Variants in SPOCK1 observed in about 807,000 individuals in gnomAD.
SPOCK1 encodes SPARC (osteonectin), cwcv and kazal like domains proteoglycan 1.
A neutral mutation model predicts 55.3 loss-of-function variants in SPOCK1; 23 were observed. That is an observed-to-expected ratio of 0.42 (90% CI 0.30 to 0.59). The LOEUF is 0.59. Among genes scored for constraint, SPOCK1 ranks in the 20% least tolerant of loss-of-function variants. The pLI is 0.22. For missense variants in SPOCK1, 499 were observed against 552.5 expected (o/e 0.90, Z 0.97); for synonymous variants, 226 against 221.0 (o/e 1.02, Z -0.20).
chr5:137,471,489 A>G (rs971402633), intron 2 of SPOCK1, among the ~76,000 whole-genome samples: 1 of 152,180 alleles, frequency 6.6e-6, no homozygotes, highest in African/African-American at 2.4e-5. Context: ...GCCCATAGTA[A>G]ATTCTCAGTC....
intron 2 of SPOCK1, among the ~76,000 whole-genome samples, chr5:137,461,650 T>C (rs1006353427): frequency 1.3e-5 from 2 of 152,232 alleles, no homozygotes; most frequent in African/African-American, 4.8e-5. Context: ...ATTTTTGTTC[T>C]GCCCGTCTCT....
At chr5:137,368,205 G>A (rs1751118614) in intron 2 of SPOCK1, among the ~76,000 whole-genome samples, 1 of 152,204 alleles carries the variant, frequency 6.6e-6, no homozygotes, top group Non-Finnish European at 1.5e-5. Flanking sequence ...AGCCAGAGCT[G>A]GGAGAGTTGT....
intron 2 of SPOCK1, among the ~76,000 whole-genome samples, chr5:137,363,865 T>C (rs549435916): frequency 6.6e-6 from 1 of 152,340 alleles, no homozygotes; most frequent in East Asian, 1.9e-4. Flanking sequence ...AGCCAGTCAC[T>C]GGGGACAGGC....
chr5:137,138,701 A>T (rs1195237082), intron 4 of SPOCK1, among the ~76,000 whole-genome samples: 1 of 139,194 alleles, frequency 7.2e-6, no homozygotes, highest in Non-Finnish European at 1.6e-5. Flanking sequence ...TCAAATAATA[A>T]CCCCCCCCCC....
intron 2 of SPOCK1, among the ~76,000 whole-genome samples, chr5:137,363,789 C>T (rs1459472738): frequency 2.0e-5 from 3 of 152,162 alleles, no homozygotes; most frequent in Non-Finnish European, 4.4e-5. Flanking sequence ...TTGCAAAGAA[C>T]CTCCCAATTA....
rs1387680145 is a variant in SPOCK1, at chr5:137,498,618, C to T, written c.1-60G>A. The T allele has an allele frequency of 2.4e-6, 3 of 1,235,696 alleles. No individual in the cohort carries two copies. The African/African-American group carries it at 4.7e-5, about 20-fold the overall frequency. The allele number at this position is 1,235,696 out of a possible 1,614,324, so 76.5% of individuals were successfully genotyped here. A position where few individuals can be genotyped will look rare whatever the true frequency, so the allele number is the denominator to read the frequency against. On this transcript the variant is annotated intron_variant, in intron 1 of 10. Coordinates refer to ENST00000394945, the MANE Select transcript of SPOCK1 (RefSeq NM_004598.4). ...AGGGCGGGCGGCCGCGAGCCCCGGGCACCCAGGCGTCCCAGCGCCCCAGCC... is the reference window on the plus strand; with the variant it reads ...AGGGCGGGCGGCCGCGAGCCCCGGGTACCCAGGCGTCCCAGCGCCCCAGCC...
At chr5:137,098,986 G>GC (rs34993385) in intron 5 of SPOCK1, among the ~76,000 whole-genome samples, 131,395 of 152,194 alleles carry the variant, frequency 0.86, 56,889 homozygotes, top group Non-Finnish European at 0.9. Flanking sequence ...ACAAATGAGA[G>GC]CAGGCTTTGT....
At chr5:137,295,626 A>G (rs113054672) in intron 2 of SPOCK1, among the ~76,000 whole-genome samples, 2,785 of 152,266 alleles carry the variant, frequency 0.018, 41 homozygotes, top group Non-Finnish European at 0.029. Context: ...CCCCCAGTAC[A>G]GGCCAACTAC....
At chr5:137,151,283 A>C (rs926822846) in intron 3 of SPOCK1, among the ~76,000 whole-genome samples, 1 of 152,156 alleles carries the variant, frequency 6.6e-6, no homozygotes, top group Admixed American at 6.6e-5. Context: ...TTGAGCCACC[A>C]AGCCTGGCTA....
intron 2 of SPOCK1, among the ~76,000 whole-genome samples, chr5:137,399,486 C>A (rs1423364133): frequency 4.6e-5 from 7 of 151,856 alleles, no homozygotes; most frequent in African/African-American, 1.5e-4. Context: ...AGTATATACT[C>A]ATGAAACTAT....
intron 6 of SPOCK1, among the ~76,000 whole-genome samples, chr5:137,014,106 A>G (rs1231436475): frequency 6.6e-6 from 1 of 152,098 alleles, no homozygotes; most frequent in Non-Finnish European, 1.5e-5. Context: ...TCTTCATGAT[A>G]TTGACTTCTT....
chr5:137,312,094 G>A (rs1757797866), intron 2 of SPOCK1, among the ~76,000 whole-genome samples: 2 of 152,182 alleles, frequency 1.3e-5, no homozygotes, highest in Non-Finnish European at 2.9e-5. Flanking sequence ...CCATTAATAT[G>A]CCAATTCTTT....
chr5:137,055,520 A>T lies in SPOCK1; in HGVS notation c.589+12195T>A, dbSNP rs541080102. 1.1e-4 allele frequency among the ~76,000 whole-genome samples: 16 copies of T among 152,310 alleles called. No homozygotes were observed. The East Asian group carries it at 3.1e-3, about 29-fold the overall frequency. On this transcript the variant is annotated intron_variant, in intron 6 of 10. Coordinates refer to ENST00000394945, the MANE Select transcript of SPOCK1 (RefSeq NM_004598.4). ...CAAGTTTCCTCTTGGGCACAATGGTAATCAGATATTAAGCCAACTATTTCA... is the reference window on the plus strand; with the variant it reads ...CAAGTTTCCTCTTGGGCACAATGGTTATCAGATATTAAGCCAACTATTTCA...
chr5:137,454,662 T>C (rs1753326297), intron 2 of SPOCK1, among the ~76,000 whole-genome samples: 5 of 152,306 alleles, frequency 3.3e-5, no homozygotes, highest in African/African-American at 2.4e-5. Flanking sequence ...GATTCCTCTA[T>C]GGAAGGATAA....
At chr5:137,232,817 G>A (rs1254033215) in intron 3 of SPOCK1, among the ~76,000 whole-genome samples, 7 of 152,166 alleles carry the variant, frequency 4.6e-5, no homozygotes, top group African/African-American at 1.4e-4. Flanking sequence ...ATCCATTAAC[G>A]AGATATGTCT....
At chr5:137,236,288 A>AT (rs147402687) in intron 3 of SPOCK1, among the ~76,000 whole-genome samples, 2,988 of 152,314 alleles carry the variant, frequency 0.02, 95 homozygotes, top group African/African-American at 0.068. Context: ...TACAATCAGC[A>AT]CCTTGCTGGC....
chr5:137,410,420 G>C (rs913358397), intron 2 of SPOCK1, among the ~76,000 whole-genome samples: 4 of 152,212 alleles, frequency 2.6e-5, no homozygotes, highest in Non-Finnish European at 4.4e-5. Context: ...CATGACAACA[G>C]AGCCTTTTTA....
chr5:137,253,587 T>C (rs1366475255), intron 3 of SPOCK1, among the ~76,000 whole-genome samples: 3 of 152,194 alleles, frequency 2.0e-5, no homozygotes, highest in Non-Finnish European at 4.4e-5. Flanking sequence ...CATCCAGTGT[T>C]CAATTTCCCC....
chr5:137,424,554 C>A (rs1043109247), intron 2 of SPOCK1, among the ~76,000 whole-genome samples: 15 of 152,176 alleles, frequency 9.9e-5, no homozygotes, highest in Non-Finnish European at 2.1e-4. Flanking sequence ...AAGCTCTGTA[C>A]ATGAATGCTC....
Sources: gnomAD v4.1 joint callset for allele counts (sites outside exome capture counted in the v4.1 genomes callset) on GRCh38, gnomAD v4.1.1 for gene constraint, MANE v1.5 for transcripts, NCBI Gene and HGNC (gene_info 2026-07-23, HGNC 2026-07-21) for gene names.